ARHGAP23: variants seen among roughly 807,000 people sequenced by gnomAD.
ARHGAP23 encodes Rho GTPase activating protein 23.
Under a neutral mutation model 136.3 loss-of-function variants are expected in ARHGAP23, and 34 were observed. The ratio of observed to expected loss-of-function variants is 0.25; its 90% CI spans 0.19 to 0.33. The LOEUF (loss-of-function observed/expected upper bound fraction) is 0.33. Ranked by LOEUF, ARHGAP23 falls within the 10% of genes least tolerant of loss-of-function variation. The pLI, the probability that ARHGAP23 is intolerant of heterozygous loss-of-function variation, is 1.00. For synonymous variants in ARHGAP23, 832 were observed against 920.5 expected, an observed-to-expected ratio of 0.90 and a Z score of 1.74; for missense variants, 1,808 against 2,139.0, an observed-to-expected ratio of 0.85 and a Z score of 3.05.
intron 20 of ARHGAP23, among the ~76,000 whole-genome samples, chr17:38,492,891 G>A (rs1045382457): frequency 6.6e-6 from 1 of 152,214 alleles, no homozygotes; most frequent in African/African-American, 2.4e-5. Flanking sequence ...TGTGTTTTGG[G>A]GGCAGCAGCA....
upstream of ARHGAP23, among the ~76,000 whole-genome samples, chr17:38,423,870 C>A (rs1219615891): frequency 2.6e-5 from 4 of 151,972 alleles, no homozygotes; most frequent in Non-Finnish European, 5.9e-5. Context: ...GGTGGAAGGG[C>A]CTGAGCTGGG....
In ARHGAP23 at chr17:38,482,513, G is replaced by T. The variant is rs535777578; in HGVS notation, c.2752-10G>T. ...CTGTCCCCCCTAACACCCCTCCCAT[G>T]TGTCCCCAGCGCGTCCCCTTAATCG... On this transcript the variant is annotated splice_polypyrimidine_tract_variant and intron_variant, in intron 15 of 23. Transcript: ENST00000622683. 2 of 1,534,652 alleles carry T rather than the reference G, an allele frequency of 1.3e-6. No individual in the cohort carries two copies. Among genetic ancestry groups the T allele is most frequent in the Non-Finnish European group, 8.8e-7 (1 of 1,134,582 alleles).
intron 1 of ARHGAP23, among the ~76,000 whole-genome samples, chr17:38,429,222 G>A (rs1363952697): frequency 6.6e-6 from 1 of 152,240 alleles, no homozygotes; most frequent in Non-Finnish European, 1.5e-5. Context: ...GGTGCCAGGG[G>A]CATTACTCAG....
At chr17:38,472,877 T>C (rs1464155315) in intron 11 of ARHGAP23, among the ~76,000 whole-genome samples, 1 of 152,218 alleles carries the variant, frequency 6.6e-6, no homozygotes, top group Admixed American at 6.5e-5. Flanking sequence ...AATGAGATGA[T>C]CTAAGTAAAG....
At chr17:38,497,698 G>T in intron 20 of ARHGAP23, 87 bp from the exon 21 acceptor site, 2 of 1,422,674 alleles carry the variant, frequency 1.4e-6, no homozygotes, top group Non-Finnish European at 1.9e-6. Flanking sequence ...GCCCCTTGCC[G>T]CCTGAGCGGG....
rs957136876 is a variant in ARHGAP23, at chr17:38,477,139, C to T, written c.2119-440C>T. 3.3e-5 allele frequency among the ~76,000 whole-genome samples: 5 copies of T among 151,750 alleles called. No individual in the cohort carries two copies. In the East Asian group the frequency reaches 9.7e-4, roughly 29 times the overall value. ...CTGGGCAAGTGGAGTCTTGGGTGGG[C>T]GGCAGGAAAGTGGGGAGAACAACCC... On this transcript the variant is annotated intron_variant, in intron 11 of 23. Coordinates refer to ENST00000622683, the MANE Select transcript of ARHGAP23 (RefSeq NM_001199417.2). This position sits in a 1 kb window ranked among gnomAD's most constrained non-coding sequence, Gnocchi z 6.6.
chr17:38,437,880 G>A (rs1003703970), intron 1 of ARHGAP23, among the ~76,000 whole-genome samples: 1 of 152,172 alleles, frequency 6.6e-6, no homozygotes, highest in Non-Finnish European at 1.5e-5. Context: ...GTGATTCAGT[G>A]TGGAGTCTGG....
intron 1 of ARHGAP23, among the ~76,000 whole-genome samples, chr17:38,432,979 G>T (rs972803250): frequency 2.0e-5 from 3 of 152,146 alleles, no homozygotes; most frequent in African/African-American, 7.2e-5. Context: ...TTGAGGCAGG[G>T]TCTTGTTCTG....
At chr17:38,448,641 G>GTTTTT (rs11327949) in intron 1 of ARHGAP23, among the ~76,000 whole-genome samples, 1 of 106,162 alleles carries the variant, frequency 9.4e-6, no homozygotes. Context: ...AACTTGGGGA[G>GTTTTT]TTTTTTTTTT....
intron 16 of ARHGAP23, among the ~76,000 whole-genome samples, chr17:38,484,538 G>A (rs1036341413): frequency 1.3e-5 from 2 of 152,178 alleles, no homozygotes; most frequent in Admixed American, 1.3e-4. Context: ...GAAGGAGAGG[G>A]CCGCCAGTGA....
chr17:38,501,336 C>G (rs1025313857), intron 23 of ARHGAP23, among the ~76,000 whole-genome samples: 6 of 152,032 alleles, frequency 3.9e-5, no homozygotes, highest in Non-Finnish European at 8.8e-5. Flanking sequence ...GAGTCTTGCT[C>G]TGTCACCCAG....
At chr17:38,422,688 G>A (rs551977325) in intron 1 of ARHGAP23, among the ~76,000 whole-genome samples, 50 of 152,268 alleles carry the variant, frequency 3.3e-4, no homozygotes, top group Admixed American at 9.8e-4. Context: ...GGTTTTCTGC[G>A]TAGGCCCCAG....
chr17:38,505,588 A>G (rs928159968), intron 23 of ARHGAP23, among the ~76,000 whole-genome samples: 4 of 152,182 alleles, frequency 2.6e-5, no homozygotes, highest in Non-Finnish European at 4.4e-5. Flanking sequence ...TGCATTGACA[A>G]CAGATATTGG....
At chr17:38,473,665 G>A (rs1453723730) in intron 11 of ARHGAP23, among the ~76,000 whole-genome samples, 7 of 146,338 alleles carry the variant, frequency 4.8e-5, no homozygotes, top group African/African-American at 1.5e-4. Flanking sequence ...ACAGACTGCC[G>A]TGATGCCGGG....
chr17:38,471,801 G>A (rs1309261920), intron 10 of ARHGAP23, 62 bp from the exon 11 acceptor site: 4 of 1,466,374 alleles, frequency 2.7e-6, no homozygotes, highest in African/African-American at 2.8e-5. Context: ...TGGTCCATGG[G>A]GTTCCTGAGA....
At chr17:38,453,702 G>T (rs2039245746) in intron 1 of ARHGAP23, 1 of 149,268 alleles carries the variant, frequency 6.7e-6, no homozygotes, top group African/African-American at 2.4e-5. Context: ...CTTCAGCCGG[G>T]AGGCGCAGGA....
rs766965891 is a variant in ARHGAP23 at position 38,477,670 on chromosome 17, G to A, written c.2210G>A (p.Gly737Glu). The part of the protein sequence containing the change: ...LSLSKERREP[G>E]PAAAGAAAAG... Reference sequence around the variant, plus strand: ...CTGAGCAAGGAGCGGCGGGAGCCCGGGCCGGCGGCGGCGGGGGCTGCGGCG... The same window carrying A: ...CTGAGCAAGGAGCGGCGGGAGCCCGAGCCGGCGGCGGCGGGGGCTGCGGCG... Residue 737 changes from glycine to glutamate, a missense_variant, in exon 12 of 24, where the codon GGG becomes GAG. Around this residue, in one of 7 missense-constraint regions of ARHGAP23, gnomAD observed 139 missense variants for 264.3 expected, o/e 0.53. Coordinates refer to ENST00000622683, the MANE Select transcript of ARHGAP23 (RefSeq NM_001199417.2). The surrounding 1 kb of genome is among the most constrained non-coding windows in gnomAD (Gnocchi z 6.6). 2.4e-5 allele frequency: 31 copies of A among 1,294,250 alleles called. No homozygotes were observed. In the South Asian group the frequency reaches 6.2e-4, roughly 26 times the overall value. 80.2% of individuals were successfully genotyped at this position (1,294,250 alleles called of 1,614,324 possible). A position where few individuals can be genotyped will look rare whatever the true frequency, so the allele number is the denominator to read the frequency against.
At chr17:38,458,015 C>T in intron 1 of ARHGAP23, 87 bp from the exon 2 acceptor site, 2 of 1,480,952 alleles carry the variant, frequency 1.4e-6, no homozygotes, top group Non-Finnish European at 1.8e-6. Flanking sequence ...TGGTGCCCCT[C>T]CGGTCCTGTG....
intron 1 of ARHGAP23, among the ~76,000 whole-genome samples, chr17:38,438,337 A>G (rs889737530): frequency 1.4e-5 from 2 of 140,322 alleles, no homozygotes; most frequent in African/African-American, 5.2e-5. Context: ...AAAAAAAAAA[A>G]AAAAGATGTT....
Sources: allele counts gnomAD v4.1 joint callset (sites outside exome capture counted in the v4.1 genomes callset), GRCh38; gene constraint gnomAD v4.1.1; regional missense constraint gnomAD v4.1.1; non-coding constraint Gnocchi (gnomAD v3.1); transcripts MANE v1.5; gene names NCBI Gene and HGNC (gene_info 2026-07-23, HGNC 2026-07-21).